Variants in SEM1 observed in about 807,000 individuals in gnomAD.
SEM1 encodes 26S proteasome complex subunit SEM1.
In SEM1, 3 loss-of-function variants were observed where a neutral mutation model predicts 12.7. The ratio of observed to expected loss-of-function variants is 0.24; its 90% CI spans 0.11 to 0.61. The LOEUF (loss-of-function observed/expected upper bound fraction) is 0.61. Among genes scored for constraint, SEM1 ranks in the 20% least tolerant of loss-of-function variants. The pLI is 0.88. For synonymous variants in SEM1, 30 were observed against 27.8 expected (o/e 1.08, Z -0.25); for missense variants, 59 against 81.3 (o/e 0.73, Z 1.06).
At chr7:96,496,296 G>A (rs1199732955) in exon 1 of SEM1, 2 of 1,520,168 alleles carry the variant, frequency 1.3e-6, no homozygotes, top group African/African-American at 1.4e-5. Flanking sequence ...GGCAATACAT[G>A]TTCTTCCTTC....
intron 2 of SEM1, among the ~76,000 whole-genome samples, chr7:96,648,065 G>T (rs776938891): frequency 2.6e-5 from 4 of 152,164 alleles, no homozygotes; most frequent in Non-Finnish European, 5.9e-5. Context: ...AACACTGGCT[G>T]CATCTTCGTT....
chr7:96,496,694 T>C (rs11972145), upstream of SEM1, among the ~76,000 whole-genome samples: 961 of 152,298 alleles, frequency 6.3e-3, 13 homozygotes, highest in African/African-American at 0.022. Flanking sequence ...ATACTACAGT[T>C]TGTGAATCTA....
At position 96,575,417 on chromosome 7, in the gene SEM1, G is replaced by C. The variant is rs1041751879; in HGVS notation, c.171-68719C>G. Among the ~76,000 whole-genome samples, 2 of 152,176 alleles carry C rather than the reference G, an allele frequency of 1.3e-5. 1 individual carries two copies. The highest frequency in any genetic ancestry group is 1.3e-4 in the Admixed American group (2 of 15,278). ...GGTGTCTGTTGACCCCTGCTGGGAG[G>C]TGTCTCCCAGACAGGAGGCATGGGG... On this transcript the variant is annotated intron_variant and NMD_transcript_variant, in intron 2 of 3. Coordinates refer to the SEM1 transcript ENST00000466986.
intron 2 of SEM1, among the ~76,000 whole-genome samples, chr7:96,514,185 G>A (rs920943267): frequency 3.9e-5 from 6 of 152,032 alleles, no homozygotes; most frequent in Non-Finnish European, 7.4e-5. Flanking sequence ...ATGTACTTGT[G>A]CTTAACGTCT....
chr7:96,556,319 C>T (rs899284402), intron 2 of SEM1, among the ~76,000 whole-genome samples: 2,098 of 151,826 alleles, frequency 0.014, 22 homozygotes, highest in Non-Finnish European at 0.025. Context: ...GATTTTGCAG[C>T]GGCTGGTACC....
At chr7:96,561,489 C>CTT (rs1805689249) in intron 2 of SEM1, among the ~76,000 whole-genome samples, 1 of 152,198 alleles carries the variant, frequency 6.6e-6, no homozygotes, top group Non-Finnish European at 1.5e-5. Flanking sequence ...ATGGCAGAGG[C>CTT]TCTCAAACCT....
chr7:96,493,299 A>G (rs1040040454), intron 1 of SEM1, among the ~76,000 whole-genome samples: 20 of 152,098 alleles, frequency 1.3e-4, no homozygotes, highest in African/African-American at 4.8e-4. Context: ...TGAAGCTACC[A>G]TAATCTCAAA....
intron 2 of SEM1, among the ~76,000 whole-genome samples, chr7:96,659,913 C>CAAAAAAAAAAAAAAAAAAAAAAAA (rs71529826): frequency 1.5e-5 from 1 of 66,724 alleles, no homozygotes; most frequent in African/African-American, 5.9e-5. Context: ...AGTAAGATGG[C>CAAAAAAAAAAAAAAAAAAAAAAAA]AAAAAAAAAA....
chr7:96,532,184 A>G (rs1004687336), intron 2 of SEM1, among the ~76,000 whole-genome samples: 2 of 152,268 alleles, frequency 1.3e-5, no homozygotes, highest in African/African-American at 4.8e-5. Flanking sequence ...AAGCTAAAAC[A>G]TGTTTTAAAA....
At chr7:96,586,693 GTT>G (rs766748719) in intron 2 of SEM1, among the ~76,000 whole-genome samples, 3 of 152,088 alleles carry the variant, frequency 2.0e-5, no homozygotes, top group Non-Finnish European at 4.4e-5. Flanking sequence ...GATTCTTTAG[GTT>G]TTTTGTTTCC....
At chr7:96,490,833 A>T (rs1802977925) in intron 1 of SEM1, among the ~76,000 whole-genome samples, 1 of 151,540 alleles carries the variant, frequency 6.6e-6, no homozygotes, top group Non-Finnish European at 1.5e-5. Flanking sequence ...TTTATTTTGG[A>T]TCCGTTATGC....
chr7:96,699,623 C>T (rs1048874232), intron 1 of SEM1, among the ~76,000 whole-genome samples: 6 of 152,172 alleles, frequency 3.9e-5, no homozygotes, highest in African/African-American at 1.4e-4. Flanking sequence ...CACCTTTTCC[C>T]TTCTTTTGAA....
At chr7:96,673,935 TAA>T in intron 2 of SEM1, 1 of 729,616 alleles carries the variant, frequency 1.4e-6, no homozygotes, top group South Asian at 1.4e-5. Context: ...GACCACAGCA[TAA>T]GCCTGGCCCA....
chr7:96,517,069 G>T (rs960765846), intron 2 of SEM1, among the ~76,000 whole-genome samples: 7 of 152,128 alleles, frequency 4.6e-5, no homozygotes, highest in African/African-American at 1.7e-4. Flanking sequence ...TAGGAGCTCT[G>T]GGAGGAAGAG....
At chr7:96,552,280 C>T (rs932979218) in intron 2 of SEM1, among the ~76,000 whole-genome samples, 4 of 151,876 alleles carry the variant, frequency 2.6e-5, no homozygotes, top group Non-Finnish European at 4.4e-5. Context: ...CATGCTGGTG[C>T]GCTGCACCCA....
At chr7:96,665,680 A>C (rs1041929228) in intron 2 of SEM1, among the ~76,000 whole-genome samples, 2 of 152,238 alleles carry the variant, frequency 1.3e-5, no homozygotes, top group Non-Finnish European at 2.9e-5. Context: ...TTAACTGTAC[A>C]TCAAATGACA....
intron 2 of SEM1, among the ~76,000 whole-genome samples, chr7:96,578,293 A>T (rs1383721903): frequency 6.6e-6 from 1 of 152,136 alleles, no homozygotes; most frequent in African/African-American, 2.4e-5. Context: ...GGAAAAAAAA[A>T]AAGACATTTA....
At chr7:96,512,657 C>A (rs1437143721) in intron 2 of SEM1, among the ~76,000 whole-genome samples, 2 of 152,084 alleles carry the variant, frequency 1.3e-5, no homozygotes, top group Non-Finnish European at 2.9e-5. Context: ...AACTGCTATC[C>A]TTAGGAATGA....
At chr7:96,559,684 G>A (rs1805632571) in intron 2 of SEM1, among the ~76,000 whole-genome samples, 3 of 152,216 alleles carry the variant, frequency 2.0e-5, no homozygotes, top group South Asian at 2.1e-4. Flanking sequence ...GCTACATGTT[G>A]TAGAGAGTAC....
Sources: allele counts gnomAD v4.1 joint callset (sites outside exome capture counted in the v4.1 genomes callset), GRCh38; gene constraint gnomAD v4.1.1; transcripts MANE v1.5; gene names NCBI Gene and HGNC (gene_info 2026-07-23, HGNC 2026-07-21).